The following NELL2 variants were observed in gnomAD, a reference collection of about 807,000 sequenced individuals.
NELL2 encodes neural EGFL like 2.
A neutral mutation model predicts 109.6 loss-of-function variants in NELL2; 41 were observed. That is an observed-to-expected ratio of 0.37 (90% CI 0.29 to 0.49). NELL2 has a LOEUF of 0.49. Among genes scored for constraint, NELL2 ranks in the 20% least tolerant of loss-of-function variants. NELL2 has a pLI of 0.98. For missense variants in NELL2, 900 were observed against 1,008.3 expected (o/e 0.89, Z 1.45); for synonymous variants, 355 against 344.7 (o/e 1.03, Z -0.33).
chr12:44,748,240 T>C (rs1412272493), intron 9 of NELL2, among the ~76,000 whole-genome samples: 3 of 152,134 alleles, frequency 2.0e-5, no homozygotes, highest in Non-Finnish European at 4.4e-5. Flanking sequence ...CAGGCTAACA[T>C]ACAAAGAAAA....
intron 3 of NELL2, among the ~76,000 whole-genome samples, chr12:44,795,366 C>T (rs536653015): frequency 5.3e-5 from 8 of 152,252 alleles, no homozygotes; most frequent in Non-Finnish European, 8.8e-5. Context: ...GAAAATACAG[C>T]TCAGCCTCTC....
At chr12:44,581,942 C>A (rs577740266) in intron 15 of NELL2, among the ~76,000 whole-genome samples, 13 of 152,140 alleles carry the variant, frequency 8.5e-5, no homozygotes, top group South Asian at 2.1e-4. Context: ...ACATTTTAAG[C>A]TCACACTAAA....
intron 15 of NELL2, among the ~76,000 whole-genome samples, chr12:44,566,448 A>C (rs772936679): frequency 6.6e-6 from 1 of 152,084 alleles, no homozygotes; most frequent in Non-Finnish European, 1.5e-5. Context: ...GAATGGATGA[A>C]GTTAATCAGG....
rs148355558 is a variant in NELL2, at chr12:44,632,735, A to G, written c.1445-21765T>C. ...CAGTCTACATGAAGCCTGGAAAAGA[A>G]AAACCTTTGTACATTCTTCTTTTAT... On this transcript the variant is annotated intron_variant, in intron 13 of 19. Coordinates refer to ENST00000429094, the MANE Select transcript of NELL2 (RefSeq NM_001145108.2). Among the ~76,000 whole-genome samples the G allele has an allele frequency of 1.9e-4, 29 of 152,254 alleles. No homozygotes were observed. The East Asian group carries it at 5.4e-3, about 28-fold the overall frequency.
At chr12:44,832,785 ACT>A (rs1943926850) in intron 2 of NELL2, among the ~76,000 whole-genome samples, 1 of 152,042 alleles carries the variant, frequency 6.6e-6, no homozygotes, top group Non-Finnish European at 1.5e-5. Context: ...AGACCAAAAG[ACT>A]CTCCTTTCCC....
chr12:44,596,248 T>C (rs1377264097), intron 15 of NELL2, among the ~76,000 whole-genome samples: 2 of 152,216 alleles, frequency 1.3e-5, no homozygotes, highest in African/African-American at 4.8e-5. Flanking sequence ...GTGGATAATT[T>C]GGCACCCATA....
chr12:44,913,889 G>T (rs956461105), exon 1 of NELL2: 2 of 569,402 alleles, frequency 3.5e-6, no homozygotes, highest in Non-Finnish European at 5.8e-6. Flanking sequence ...ATTGAATAAA[G>T]CATCTTCCTT....
intron 19 of NELL2, among the ~76,000 whole-genome samples, chr12:44,511,302 C>T (rs1292478992): frequency 6.6e-6 from 1 of 152,152 alleles, no homozygotes; most frequent in Non-Finnish European, 1.5e-5. Flanking sequence ...ACTAACCCTC[C>T]TATAGATAAC....
At chr12:44,531,321 TACAA>T (rs924647672) in intron 16 of NELL2, among the ~76,000 whole-genome samples, 47 of 152,196 alleles carry the variant, frequency 3.1e-4, no homozygotes, top group African/African-American at 1.1e-3. Context: ...TTCTATAAAA[TACAA>T]ACAAAGTAGC....
At chr12:44,701,357 A>T (rs1949223242) in intron 12 of NELL2, among the ~76,000 whole-genome samples, 1 of 152,116 alleles carries the variant, frequency 6.6e-6, no homozygotes, top group Non-Finnish European at 1.5e-5. Flanking sequence ...TTTAAATGAC[A>T]ATTAGTATAA....
intron 15 of NELL2, among the ~76,000 whole-genome samples, chr12:44,594,857 G>C (rs1482243220): frequency 6.6e-6 from 1 of 151,898 alleles, no homozygotes; most frequent in Non-Finnish European, 1.5e-5. Flanking sequence ...AAGGTACAAA[G>C]TTACCAGTGT....
At chr12:44,594,559 A>G (rs1379788971) in intron 15 of NELL2, among the ~76,000 whole-genome samples, 1 of 152,122 alleles carries the variant, frequency 6.6e-6, no homozygotes, top group African/African-American at 2.4e-5. Context: ...CGGATTTCCA[A>G]GAGAGTCATT....
chr12:44,539,823 A>T (rs889978648), intron 15 of NELL2, among the ~76,000 whole-genome samples: 4 of 152,216 alleles, frequency 2.6e-5, no homozygotes, highest in Admixed American at 2.0e-4. Context: ...AACTAGACAC[A>T]TGGTTAGAGA....
At chr12:44,778,755 A>G (rs970904112) in intron 5 of NELL2, among the ~76,000 whole-genome samples, 1 of 152,216 alleles carries the variant, frequency 6.6e-6, no homozygotes, top group Non-Finnish European at 1.5e-5. Context: ...ATAATAAAAC[A>G]GAAATAAAAA....
At chr12:44,731,613 A>T (rs1391184529) in intron 9 of NELL2, among the ~76,000 whole-genome samples, 6 of 152,136 alleles carry the variant, frequency 3.9e-5, no homozygotes, top group Non-Finnish European at 7.4e-5. Context: ...AATAAAAGTC[A>T]TACATGAAAA....
chr12:44,866,546 A>C (rs1028721737), intron 2 of NELL2, among the ~76,000 whole-genome samples: 2 of 152,164 alleles, frequency 1.3e-5, no homozygotes, highest in African/African-American at 4.8e-5. Flanking sequence ...TCAAACAAAT[A>C]ACCTAAAGTT....
chr12:44,889,974 G>A (rs907317314), intron 1 of NELL2, among the ~76,000 whole-genome samples: 14 of 152,206 alleles, frequency 9.2e-5, no homozygotes, highest in African/African-American at 3.4e-4. Context: ...TCTTAGGCCG[G>A]GTTTCCCAAA....
At chr12:44,918,512 CATGTATGT>C (rs1018479262), upstream of NELL2, among the ~76,000 whole-genome samples, 2 of 113,302 alleles carry the variant, frequency 1.8e-5, no homozygotes, top group African/African-American at 7.5e-5. Flanking sequence ...TTCATGCATG[CATGTATGT>C]GTGTGTGTGT....
At chr12:44,661,904 C>A (rs1471438844) in intron 13 of NELL2, among the ~76,000 whole-genome samples, 1 of 151,880 alleles carries the variant, frequency 6.6e-6, no homozygotes. Context: ...TCTCTCTGTT[C>A]TCCCTTCCCC....
Sources: allele counts gnomAD v4.1 joint callset (sites outside exome capture counted in the v4.1 genomes callset), GRCh38; gene constraint gnomAD v4.1.1; transcripts MANE v1.5; gene names NCBI Gene and HGNC (gene_info 2026-07-23, HGNC 2026-07-21).